The following FAM107B variants were observed in gnomAD, a reference collection of about 807,000 sequenced individuals.
FAM107B encodes protein FAM107B.
FAM107B carries 21 observed loss-of-function variants against 31.5 expected under a neutral mutation model. The observed-to-expected ratio is 0.67, with a 90% confidence interval of 0.47 to 0.96. The LOEUF (loss-of-function observed/expected upper bound fraction) is 0.96. Among genes scored for constraint, FAM107B ranks in the 40% least tolerant of loss-of-function variants. The pLI, the probability that FAM107B is intolerant of heterozygous loss-of-function variation, is 0.00. For synonymous variants in FAM107B, 157 were observed against 141.5 expected, an observed-to-expected ratio of 1.11 and a Z score of -0.78; for missense variants, 452 against 377.1, an observed-to-expected ratio of 1.20 and a Z score of -1.64.
intron 2 of FAM107B, among the ~76,000 whole-genome samples, chr10:14,589,624 T>C (rs543580753): frequency 2.0e-5 from 3 of 152,040 alleles, no homozygotes; most frequent in African/African-American, 4.8e-5. Flanking sequence ...CAGTACACCA[T>C]AGGGTGAATA....
chr10:14,637,751 C>A (rs1853536188), intron 2 of FAM107B, among the ~76,000 whole-genome samples: 2 of 152,146 alleles, frequency 1.3e-5, no homozygotes, highest in Non-Finnish European at 2.9e-5. Context: ...ACAAAGCAAG[C>A]TGACATGTTG....
chr10:14,577,164 G>A (rs373063991), intron 2 of FAM107B, among the ~76,000 whole-genome samples: 28 of 152,296 alleles, frequency 1.8e-4, no homozygotes, highest in African/African-American at 6.5e-4. Context: ...GCCCAACTGA[G>A]ACAATATTCT....
At chr10:14,702,302 C>T (rs974952411) in intron 1 of FAM107B, among the ~76,000 whole-genome samples, 3 of 152,210 alleles carry the variant, frequency 2.0e-5, no homozygotes, top group Non-Finnish European at 4.4e-5. Context: ...AATGTTGTTG[C>T]TCCTTTTCAT....
chr10:14,518,637 T>G lies in FAM107B; in HGVS notation c.*2553A>C, dbSNP rs1845345308. 1 of 152,650 alleles carries G rather than the reference T, an allele frequency of 6.6e-6. No individual in the cohort carries two copies. The highest frequency in any genetic ancestry group is 1.5e-5 in the Non-Finnish European group (1 of 68,040). The allele number at this position is 152,650 out of a possible 1,614,324, so 9.5% of individuals were successfully genotyped here. ...TTCCACCCTCAATTCTTTAATACTT[T>G]CCGTTAAAAACAATTATACAAGAGC... On this transcript the variant is annotated 3_prime_UTR_variant, in exon 5 of 5. Coordinates refer to ENST00000181796, the MANE Select transcript of FAM107B (RefSeq NM_031453.4).
intron 1 of FAM107B, among the ~76,000 whole-genome samples, chr10:14,734,291 A>T (rs1324109675): frequency 2.0e-5 from 3 of 152,128 alleles, no homozygotes; most frequent in Non-Finnish European, 2.9e-5. Context: ...CCACACCAGA[A>T]CTGTCCCGCA....
At chr10:14,717,082 T>C (rs1357015975) in intron 1 of FAM107B, among the ~76,000 whole-genome samples, 2 of 152,142 alleles carry the variant, frequency 1.3e-5, no homozygotes, top group Non-Finnish European at 2.9e-5. Context: ...AGTGAGACTC[T>C]GTCTCAAAAA....
At chr10:14,669,262 C>T (rs758076754) in intron 1 of FAM107B, among the ~76,000 whole-genome samples, 63 of 149,454 alleles carry the variant, frequency 4.2e-4, no homozygotes, top group Admixed American at 1.5e-3. Context: ...TCCAGCTACT[C>T]GGGAGGCTGC....
At chr10:14,735,210 C>A (rs891236407) in intron 1 of FAM107B, among the ~76,000 whole-genome samples, 2 of 152,214 alleles carry the variant, frequency 1.3e-5, no homozygotes, top group African/African-American at 4.8e-5. Context: ...GGCCTATAGG[C>A]CACATGGGGC....
chr10:14,620,576 G>C (rs897809007), intron 2 of FAM107B, among the ~76,000 whole-genome samples: 10 of 152,166 alleles, frequency 6.6e-5, no homozygotes, highest in Middle Eastern at 3.4e-3. Flanking sequence ...TACATGTGCA[G>C]AACATGCAGG....
chr10:14,580,129 G>A (rs1851587405), intron 2 of FAM107B, among the ~76,000 whole-genome samples: 1 of 152,222 alleles, frequency 6.6e-6, no homozygotes, highest in Non-Finnish European at 1.5e-5. Flanking sequence ...GGAGGCCCAG[G>A]TGGGTGGATC....
At chr10:14,650,476 G>T (rs1392010837) in intron 2 of FAM107B, among the ~76,000 whole-genome samples, 1 of 152,056 alleles carries the variant, frequency 6.6e-6, no homozygotes, top group Non-Finnish European at 1.5e-5. Flanking sequence ...AGTAGAGATG[G>T]GGTTTCACCA....
At chr10:14,624,409 G>A (rs1853099897) in intron 2 of FAM107B, among the ~76,000 whole-genome samples, 1 of 152,162 alleles carries the variant, frequency 6.6e-6, no homozygotes, top group Non-Finnish European at 1.5e-5. Context: ...GGCTGAGGAG[G>A]GTGGATCATT....
intron 2 of FAM107B, among the ~76,000 whole-genome samples, chr10:14,657,972 G>T (rs576756090): frequency 1.3e-5 from 2 of 151,960 alleles, no homozygotes; most frequent in African/African-American, 4.8e-5. Context: ...CACCACACCC[G>T]GCTAATGTTT....
chr10:14,745,502 T>G (rs1196217805), intron 1 of FAM107B, among the ~76,000 whole-genome samples: 2 of 152,082 alleles, frequency 1.3e-5, no homozygotes, highest in African/African-American at 4.8e-5. Flanking sequence ...TATATTGTCT[T>G]TTTGTTCTTA....
chr10:14,684,625 A>T (rs537832574), intron 1 of FAM107B, among the ~76,000 whole-genome samples: 1 of 152,324 alleles, frequency 6.6e-6, no homozygotes, highest in East Asian at 1.9e-4. Context: ...GCATTGTGCC[A>T]AAAGGATCCC....
intron 2 of FAM107B, among the ~76,000 whole-genome samples, chr10:14,616,393 A>C (rs934579510): frequency 1.3e-5 from 2 of 152,214 alleles, no homozygotes; most frequent in Admixed American, 1.3e-4. Flanking sequence ...TCTTCTGATG[A>C]CATAAAGTAA....
At chr10:14,546,076 A>G (rs931843746) in intron 2 of FAM107B, among the ~76,000 whole-genome samples, 2 of 152,228 alleles carry the variant, frequency 1.3e-5, no homozygotes, top group African/African-American at 2.4e-5. Context: ...ACAAACTAAT[A>G]CTTTCAAAAG....
chr10:14,671,834 C>T (rs1182758958), intron 1 of FAM107B, among the ~76,000 whole-genome samples: 1 of 144,858 alleles, frequency 6.9e-6, no homozygotes, highest in East Asian at 2.0e-4. Context: ...TAACCCTGGA[C>T]TTTTCCGCAT....
intron 2 of FAM107B, chr10:14,572,236 A>G: frequency 6.1e-6 from 6 of 985,484 alleles, no homozygotes; most frequent in Non-Finnish European, 7.2e-6. Flanking sequence ...GACCTTCCAG[A>G]CCAAGAGAAC....
Sources: allele counts gnomAD v4.1 joint callset (sites outside exome capture counted in the v4.1 genomes callset), GRCh38; gene constraint gnomAD v4.1.1; transcripts MANE v1.5; gene names NCBI Gene and HGNC (gene_info 2026-07-23, HGNC 2026-07-21).